The following RASGRF2 variants were observed in gnomAD, a reference collection of about 807,000 sequenced individuals.
The protein encoded by RASGRF2 is ras-specific guanine nucleotide-releasing factor 2.
Under a neutral mutation model 151.0 loss-of-function variants are expected in RASGRF2, and 76 were observed. The observed-to-expected ratio is 0.50, with a 90% CI of 0.42 to 0.61. The LOEUF is 0.61. Among genes scored for constraint, RASGRF2 ranks in the 20% least tolerant of loss-of-function variants. RASGRF2 has a pLI of 0.00. For missense variants in RASGRF2, 1,148 were observed against 1,564.6 expected, an observed-to-expected ratio of 0.73 and a Z score of 4.49; for synonymous variants, 504 against 566.5, an observed-to-expected ratio of 0.89 and a Z score of 1.57.
intron 1 of RASGRF2, among the ~76,000 whole-genome samples, chr5:81,012,865 GCACCTGGTCATC>G (rs1016645270): frequency 2.0e-5 from 3 of 152,100 alleles, no homozygotes; most frequent in Non-Finnish European, 4.4e-5. Flanking sequence ...ACAAGGTCGT[GCACCTGGTCATC>G]CACTTTGGGT....
At chr5:80,971,609 A>G (rs1193184552) in intron 1 of RASGRF2, among the ~76,000 whole-genome samples, 1 of 146,930 alleles carries the variant, frequency 6.8e-6, no homozygotes, top group Non-Finnish European at 1.5e-5. Flanking sequence ...TCTGTCATCC[A>G]GGCTGGAATG....
intron 2 of RASGRF2, among the ~76,000 whole-genome samples, chr5:81,058,813 A>C (rs1403619041): frequency 6.6e-6 from 1 of 151,452 alleles, no homozygotes; most frequent in Non-Finnish European, 1.5e-5. Flanking sequence ...GAGTGTGTAA[A>C]ATAAATCATA....
At chr5:81,048,918 C>A (rs555292434) in intron 2 of RASGRF2, among the ~76,000 whole-genome samples, 1 of 152,228 alleles carries the variant, frequency 6.6e-6, no homozygotes, top group South Asian at 2.1e-4. Flanking sequence ...CCTCTAGCTA[C>A]TGTCTTCTCT....
At chr5:81,007,690 A>G (rs551873306) in intron 1 of RASGRF2, among the ~76,000 whole-genome samples, 1 of 152,284 alleles carries the variant, frequency 6.6e-6, no homozygotes, top group African/African-American at 2.4e-5. Context: ...AAAGTGAACT[A>G]TTCAGATCAG....
At chr5:81,115,074 A>G (rs1753114779) in intron 15 of RASGRF2, among the ~76,000 whole-genome samples, 1 of 152,210 alleles carries the variant, frequency 6.6e-6, no homozygotes, top group African/African-American at 2.4e-5. Flanking sequence ...CTTATTGATA[A>G]TATAATAAAA....
At chr5:81,060,921 C>T (rs1235359096) in intron 2 of RASGRF2, among the ~76,000 whole-genome samples, 1 of 151,990 alleles carries the variant, frequency 6.6e-6, no homozygotes, top group Non-Finnish European at 1.5e-5. Context: ...CATTAGAGTA[C>T]CTTTCTCTCT....
chr5:81,072,703 AAAAC>A (rs1344508231), intron 4 of RASGRF2, among the ~76,000 whole-genome samples: 2 of 152,204 alleles, frequency 1.3e-5, no homozygotes, highest in Non-Finnish European at 2.9e-5. Flanking sequence ...AGAAAAAAAC[AAAAC>A]AAACAAAAAA....
At chr5:81,105,769 C>A (rs1172430296) in intron 12 of RASGRF2, among the ~76,000 whole-genome samples, 1 of 152,008 alleles carries the variant, frequency 6.6e-6, no homozygotes, top group East Asian at 1.9e-4. Flanking sequence ...GTGTGCAACC[C>A]CTCTCCCCAT....
At chr5:81,002,370 T>G (rs1749108386) in intron 1 of RASGRF2, among the ~76,000 whole-genome samples, 1 of 152,200 alleles carries the variant, frequency 6.6e-6, no homozygotes, top group Non-Finnish European at 1.5e-5. Context: ...AGTAAGTAGA[T>G]GATGATTAAG....
intron 2 of RASGRF2, among the ~76,000 whole-genome samples, chr5:81,056,623 C>T (rs1034500588): frequency 6.8e-4 from 104 of 152,128 alleles, no homozygotes; most frequent in African/African-American, 2.2e-3. Flanking sequence ...GGGTGGAGAG[C>T]TCTGTAGATG....
intron 17 of RASGRF2, among the ~76,000 whole-genome samples, chr5:81,127,923 C>CA (rs60196392): frequency 0.039 from 2,546 of 64,662 alleles, 106 homozygotes; most frequent in Non-Finnish European, 0.05. Flanking sequence ...GACTCCGTCT[C>CA]AAAAAAAAAA....
intron 17 of RASGRF2, among the ~76,000 whole-genome samples, chr5:81,136,637 C>T (rs1753760463): frequency 6.6e-6 from 1 of 152,130 alleles, no homozygotes; most frequent in East Asian, 1.9e-4. Context: ...CTCTGAGCTT[C>T]CTGGATCTGG....
chr5:81,119,197 A>T (rs1173949688), intron 15 of RASGRF2, among the ~76,000 whole-genome samples: 1 of 152,238 alleles, frequency 6.6e-6, no homozygotes, highest in East Asian at 1.9e-4. Context: ...GGTATTCGTT[A>T]TAGCAGTAAC....
intron 13 of RASGRF2, 128 bp from the exon 14 acceptor site, chr5:81,112,482 A>G (rs1753023788): frequency 2.4e-6 from 3 of 1,238,256 alleles, no homozygotes; most frequent in Non-Finnish European, 3.4e-6. Context: ...CTGTGCAATT[A>G]TCTCTCTCCT....
chr5:80,960,974 C>A lies in RASGRF2; in HGVS notation c.236C>A (p.Pro79Gln). The change falls in exon 1 of 27, where the codon CCA becomes CAA. Residue 79 changes from proline to glutamine, a missense_variant. Pro to Gln is a moderately conservative substitution (Grantham distance 76). Transcript: ENST00000265080. The surrounding 1 kb of genome is among the most constrained non-coding windows in gnomAD (Gnocchi z 5.5). Reference protein sequence around the residue: ...EGCSCERTPAPPRAGAGQGGV... With the variant: ...EGCSCERTPAQPRAGAGQGGV... ...TGCAGCTGCGAACGAACGCCCGCGC[C>A]ACCCAGGGCCGGCGCCGGGCAGGGA... The A allele has an allele frequency of 6.4e-7, 1 of 1,554,888 alleles. No individual in the cohort carries two copies. The highest frequency in any genetic ancestry group is 1.2e-5 in the South Asian group (1 of 86,450).
At chr5:80,998,390 A>T (rs1412702560) in intron 1 of RASGRF2, among the ~76,000 whole-genome samples, 1 of 152,140 alleles carries the variant, frequency 6.6e-6, no homozygotes, top group Non-Finnish European at 1.5e-5. Context: ...TGAGATTTAA[A>T]TGATCATCTG....
intron 2 of RASGRF2, among the ~76,000 whole-genome samples, chr5:81,046,264 C>T (rs1750833286): frequency 6.6e-6 from 1 of 152,086 alleles, no homozygotes; most frequent in Admixed American, 6.6e-5. Flanking sequence ...ATGAACATCA[C>T]ATTGTTCTGT....
chr5:81,096,860 G>A (rs1216841388), intron 12 of RASGRF2, among the ~76,000 whole-genome samples: 1 of 151,738 alleles, frequency 6.6e-6, no homozygotes, highest in Non-Finnish European at 1.5e-5. Context: ...GATGCTATGG[G>A]TATTATGCTG....
chr5:81,036,094 A>G (rs1243738530), intron 1 of RASGRF2, among the ~76,000 whole-genome samples: 1 of 152,214 alleles, frequency 6.6e-6, no homozygotes, highest in African/African-American at 2.4e-5. Flanking sequence ...AACAAATGTT[A>G]TAAAGAAAAT....
Sources: gnomAD v4.1 joint callset for allele counts (sites outside exome capture counted in the v4.1 genomes callset) on GRCh38, gnomAD v4.1.1 for gene constraint, Gnocchi (gnomAD v3.1) non-coding constraint, MANE v1.5 for transcripts, NCBI Gene and HGNC (gene_info 2026-07-23, HGNC 2026-07-21) for gene names.